The following HOMER2 variants were observed in gnomAD, a reference collection of about 807,000 sequenced individuals.
HOMER2 encodes homer protein homolog 2.
Under a neutral mutation model 47.0 loss-of-function variants are expected in HOMER2, and 27 were observed. That is an observed-to-expected ratio of 0.57 (90% confidence interval 0.42 to 0.79). HOMER2 has a LOEUF of 0.79. HOMER2 is among the 30% of genes least tolerant of loss of function. The probability of loss-of-function intolerance (pLI) is 0.00; values close to 1 mark genes in which losing one functional copy is unlikely to be tolerated. For synonymous variants in HOMER2, 161 were observed against 163.8 expected, an observed-to-expected ratio of 0.98 and a Z score of 0.13; for missense variants, 443 against 435.0, an observed-to-expected ratio of 1.02 and a Z score of -0.16.
intron 1 of HOMER2, among the ~76,000 whole-genome samples, chr15:82,947,248 A>G (rs1041850401): frequency 6.6e-6 from 1 of 152,232 alleles, no homozygotes; most frequent in African/African-American, 2.4e-5. Context: ...GAACAGCCCT[A>G]TAATTTGTTG....
intron 1 of HOMER2, among the ~76,000 whole-genome samples, chr15:82,934,647 C>T (rs1013797867): frequency 6.6e-6 from 1 of 152,176 alleles, no homozygotes; most frequent in African/African-American, 2.4e-5. Flanking sequence ...TACCAATCCC[C>T]GGTGGATCCT....
chr15:82,922,556 A>G (rs2151176007), intron 1 of HOMER2, among the ~76,000 whole-genome samples: 1 of 152,352 alleles, frequency 6.6e-6, no homozygotes, highest in East Asian at 1.9e-4. Context: ...GCTCGGAAGA[A>G]GCCGAGAGAG....
intron 1 of HOMER2, among the ~76,000 whole-genome samples, chr15:82,915,552 AAAC>A (rs1264072594): frequency 3.9e-5 from 6 of 152,136 alleles, no homozygotes; most frequent in East Asian, 1.9e-4. Flanking sequence ...ACAAACAAAC[AAAC>A]AAACAAAATT....
At chr15:82,882,627 A>G (rs1206614077) in intron 2 of HOMER2, among the ~76,000 whole-genome samples, 1 of 152,198 alleles carries the variant, frequency 6.6e-6, no homozygotes, top group Non-Finnish European at 1.5e-5. Context: ...TCTTCCTGAG[A>G]TGAGTAGCAC....
At chr15:82,966,931 T>C (rs1408730552) in intron 1 of HOMER2, among the ~76,000 whole-genome samples, 1 of 152,204 alleles carries the variant, frequency 6.6e-6, no homozygotes, top group East Asian at 1.9e-4. Flanking sequence ...GTTTGGTCTC[T>C]TTAAAACCAC....
At chr15:82,928,638 T>C (rs1413846321) in intron 1 of HOMER2, among the ~76,000 whole-genome samples, 1 of 152,124 alleles carries the variant, frequency 6.6e-6, no homozygotes, top group Non-Finnish European at 1.5e-5. Flanking sequence ...TAGGTTAGTT[T>C]AGCCTTTAAT....
intron 1 of HOMER2, among the ~76,000 whole-genome samples, chr15:82,937,199 A>G (rs773991548): frequency 6.6e-6 from 1 of 152,222 alleles, no homozygotes; most frequent in African/African-American, 2.4e-5. Context: ...CCCAACGCCA[A>G]TGGGTTCCCA....
intron 1 of HOMER2, among the ~76,000 whole-genome samples, chr15:82,896,536 T>C (rs79812372): frequency 0.011 from 1,650 of 152,258 alleles, 7 homozygotes; most frequent in Non-Finnish European, 0.016. Flanking sequence ...ACACTCTTGG[T>C]CAACATGGTC....
chr15:82,898,501 G>C (rs1819592145), intron 1 of HOMER2: 1 of 152,164 alleles, frequency 6.6e-6, no homozygotes, highest in Admixed American at 6.5e-5. Context: ...GATGTTTCCG[G>C]ATGGCAGAAC....
chr15:82,986,041 G>T (rs1373344620), upstream of HOMER2: 2 of 984,878 alleles, frequency 2.0e-6, no homozygotes, highest in East Asian at 2.3e-4. Context: ...AAAGTGCATG[G>T]AGGGCATCAT....
At chr15:82,920,271 A>T (rs762581032) in intron 1 of HOMER2, among the ~76,000 whole-genome samples, 1 of 152,218 alleles carries the variant, frequency 6.6e-6, no homozygotes, top group Non-Finnish European at 1.5e-5. Context: ...GTCCTTGCAC[A>T]TCAGGAATGG....
intron 1 of HOMER2, among the ~76,000 whole-genome samples, chr15:82,921,703 C>G (rs987764765): frequency 6.6e-6 from 1 of 152,210 alleles, no homozygotes; most frequent in African/African-American, 2.4e-5. Flanking sequence ...CCTGCAGACT[C>G]AGTTCAGAGG....
At chr15:82,940,388 C>T (rs1337277996) in intron 1 of HOMER2, among the ~76,000 whole-genome samples, 1 of 152,114 alleles carries the variant, frequency 6.6e-6, no homozygotes, top group East Asian at 1.9e-4. Context: ...GAGGATTGCT[C>T]AGGAGATCAA....
chr15:82,978,893 G>T (rs138697662), intron 1 of HOMER2, among the ~76,000 whole-genome samples: 1 of 152,148 alleles, frequency 6.6e-6, no homozygotes, highest in Admixed American at 6.6e-5. Flanking sequence ...GCTAATTTTT[G>T]TATTTTTAGT....
rs907336725 is a variant in HOMER2, at chr15:82,952,717, G to C, written c.-182C>G. 1 of 981,468 alleles carries C rather than the reference G, an allele frequency of 1.0e-6. No individual in the cohort carries two copies. The highest frequency in any genetic ancestry group is 1.2e-6 in the Non-Finnish European group (1 of 828,502). 60.8% of individuals were successfully genotyped at this position (981,468 alleles called of 1,614,324 possible). Reference sequence around the variant, plus strand: ...CTGCCACTGCCGCCACCGCCGCCAGGCGCGGGCGGGCGGGGGCTGGGCGGC... The same window carrying C: ...CTGCCACTGCCGCCACCGCCGCCAGCCGCGGGCGGGCGGGGGCTGGGCGGC... On this transcript the variant is annotated 5_prime_UTR_variant, in exon 1 of 9. Transcript: ENST00000450735.
At chr15:82,916,217 G>A (rs2053584593) in intron 1 of HOMER2, among the ~76,000 whole-genome samples, 1 of 152,142 alleles carries the variant, frequency 6.6e-6, no homozygotes, top group South Asian at 2.1e-4. Flanking sequence ...TCGGAGCGTG[G>A]AGTGAAAAGA....
intron 5 of HOMER2, among the ~76,000 whole-genome samples, chr15:82,855,760 T>C (rs2667390): frequency 1 from 152,336 of 152,352 alleles, 76,160 homozygotes; most frequent in Middle Eastern, 1. Context: ...GGGACACCTC[T>C]GCTGTCACCA....
At chr15:82,916,539 A>C (rs2053593727) in intron 1 of HOMER2, among the ~76,000 whole-genome samples, 1 of 152,296 alleles carries the variant, frequency 6.6e-6, no homozygotes, top group Non-Finnish European at 1.5e-5. Context: ...GAGAAGTCTT[A>C]TCCAGGCAAG....
At chr15:82,898,051 T>C (rs2052992896) in intron 1 of HOMER2, among the ~76,000 whole-genome samples, 1 of 152,214 alleles carries the variant, frequency 6.6e-6, no homozygotes, top group Non-Finnish European at 1.5e-5. Flanking sequence ...TCTCATTTAA[T>C]CCTCCCAACA....
Sources: gnomAD v4.1 joint callset for allele counts (sites outside exome capture counted in the v4.1 genomes callset) on GRCh38, gnomAD v4.1.1 for gene constraint, MANE v1.5 for transcripts, NCBI Gene and HGNC (gene_info 2026-07-23, HGNC 2026-07-21) for gene names.